The following SBF2 variants were observed in gnomAD, a reference collection of about 807,000 sequenced individuals.
The protein encoded by SBF2 is myotubularin-related protein 13.
SBF2 carries 112 observed loss-of-function variants against 225.2 expected under a neutral mutation model. The observed-to-expected ratio is 0.50, with a 90% CI of 0.43 to 0.58. SBF2 has a LOEUF of 0.58. Among genes scored for constraint, SBF2 ranks in the 20% least tolerant of loss-of-function variants. The pLI is 0.00. For synonymous variants in SBF2, 763 were observed against 773.3 expected, an observed-to-expected ratio of 0.99 and a Z score of 0.22; for missense variants, 1,996 against 2,206.2, an observed-to-expected ratio of 0.90 and a Z score of 1.91.
chr11:9,786,527 C>G (rs948734148), intron 36 of SBF2, among the ~76,000 whole-genome samples: 7 of 152,072 alleles, frequency 4.6e-5, no homozygotes, highest in African/African-American at 1.7e-4. Flanking sequence ...CTTTTTTTAC[C>G]ACAAAGGTTT....
intron 2 of SBF2, among the ~76,000 whole-genome samples, chr11:10,148,004 T>C (rs1311950804): frequency 6.6e-6 from 1 of 152,186 alleles, no homozygotes; most frequent in African/African-American, 2.4e-5. Context: ...GATGACAATG[T>C]GCTAAATGCT....
intron 1 of SBF2, among the ~76,000 whole-genome samples, chr11:10,270,593 T>C (rs1181898108): frequency 2.0e-5 from 3 of 152,220 alleles, no homozygotes; most frequent in Non-Finnish European, 4.4e-5. Context: ...ATCCATGTTG[T>C]TGAAGAGTCA....
chr11:10,179,238 A>G (rs888577566), intron 2 of SBF2, among the ~76,000 whole-genome samples: 2 of 151,810 alleles, frequency 1.3e-5, no homozygotes, highest in Admixed American at 1.3e-4. Context: ...AGATATATCT[A>G]ATGCTAGATG....
chr11:10,291,696 AC>A (rs1964170987), intron 1 of SBF2, among the ~76,000 whole-genome samples: 2 of 145,792 alleles, frequency 1.4e-5, no homozygotes, highest in Admixed American at 6.9e-5. Context: ...ACACACACAC[AC>A]AGACTCCATG....
intron 17 of SBF2, among the ~76,000 whole-genome samples, chr11:9,886,561 T>A (rs552436457): frequency 3.0e-4 from 45 of 152,176 alleles, no homozygotes; most frequent in African/African-American, 1.0e-3. Flanking sequence ...AGTTTTATTA[T>A]TAATAATTAG....
intron 2 of SBF2, among the ~76,000 whole-genome samples, chr11:10,148,439 G>C (rs1357026392): frequency 1.3e-5 from 2 of 151,996 alleles, no homozygotes; most frequent in South Asian, 4.2e-4. Flanking sequence ...TGCCCCAAAA[G>C]AGCAAAGAGA....
At chr11:10,192,090 C>T (rs978647794) in intron 2 of SBF2, among the ~76,000 whole-genome samples, 1 of 152,146 alleles carries the variant, frequency 6.6e-6, no homozygotes, top group South Asian at 2.1e-4. Flanking sequence ...TCCCCTCAAT[C>T]ACACTAAAAG....
chr11:10,091,906 T>G lies in SBF2; in HGVS notation c.142-48925A>C, dbSNP rs369526316. ...TAGGAGTTTTTGAGTTTTGCTTCCC[T>G]GATTTCTCTTACTTGGAAGAGGCCC... On this transcript the variant is annotated intron_variant, in intron 2 of 39. Transcript: ENST00000256190. Among the ~76,000 whole-genome samples, 13 of 152,348 alleles carry G rather than the reference T, an allele frequency of 8.5e-5. No homozygotes were observed. The South Asian group carries it at 2.5e-3, about 29-fold the overall frequency.
chr11:9,857,148 AAACAT>A (rs1857386476), intron 18 of SBF2, among the ~76,000 whole-genome samples: 1 of 152,246 alleles, frequency 6.6e-6, no homozygotes, highest in African/African-American at 2.4e-5. Flanking sequence ...ATGAAAACAT[AAACAT>A]AACATAACAA....
At chr11:10,167,359 T>C (rs1956004705) in intron 2 of SBF2, among the ~76,000 whole-genome samples, 1 of 152,118 alleles carries the variant, frequency 6.6e-6, no homozygotes, top group South Asian at 2.1e-4. Flanking sequence ...ATCCCAGGAA[T>C]TCTAGACCAG....
intron 1 of SBF2, among the ~76,000 whole-genome samples, chr11:10,253,904 T>C (rs1261938148): frequency 1.3e-5 from 2 of 151,988 alleles, no homozygotes; most frequent in African/African-American, 2.4e-5. Context: ...ACATCGATAA[T>C]AGTATGGGAA....
At chr11:10,240,392 A>G (rs1214453932) in intron 1 of SBF2, among the ~76,000 whole-genome samples, 3 of 152,200 alleles carry the variant, frequency 2.0e-5, no homozygotes, top group African/African-American at 2.4e-5. Flanking sequence ...TAAAAGTACC[A>G]TGATATAACA....
At position 10,249,450 on chromosome 11, in the gene SBF2, T is replaced by C. The variant is rs1016440055; in HGVS notation, c.55+44565A>G. Among the ~76,000 whole-genome samples, 4 of 152,186 alleles carry C rather than the reference T, an allele frequency of 2.6e-5. No homozygotes were observed. The East Asian group carries it at 7.7e-4, about 29-fold the overall frequency. The stretch of plus-strand genomic sequence containing the variant: ...AAATGTATTTGCCTTTTAAATACAC[T>C]ATCAAAGAAAAAAAAGAAGGGAAAG... On this transcript the variant is annotated intron_variant, in intron 1 of 39. Coordinates refer to ENST00000256190, the MANE Select transcript of SBF2 (RefSeq NM_030962.4).
At chr11:10,172,411 G>A (rs1956235671) in intron 2 of SBF2, among the ~76,000 whole-genome samples, 1 of 151,774 alleles carries the variant, frequency 6.6e-6, no homozygotes, top group African/African-American at 2.4e-5. Flanking sequence ...GAAGCACAAT[G>A]GCGCATCTCA....
chr11:10,238,993 T>C (rs1457951475), intron 1 of SBF2, among the ~76,000 whole-genome samples: 1 of 150,694 alleles, frequency 6.6e-6, no homozygotes, highest in East Asian at 1.9e-4. Flanking sequence ...TGAGAACATG[T>C]GAACAAACAA....
At chr11:10,270,038 T>C (rs932232252) in intron 1 of SBF2, among the ~76,000 whole-genome samples, 1 of 152,176 alleles carries the variant, frequency 6.6e-6, no homozygotes, top group African/African-American at 2.4e-5. Context: ...CACAGCACTA[T>C]TTATAACAGC....
At chr11:9,999,285 G>A (rs568142985) in intron 8 of SBF2, among the ~76,000 whole-genome samples, 1 of 73,586 alleles carries the variant, frequency 1.4e-5, no homozygotes, top group Non-Finnish European at 3.0e-5. Flanking sequence ...GTGACTGTAT[G>A]TATGTATGTA....
chr11:10,124,002 ATAGT>A (rs997041063), intron 2 of SBF2, among the ~76,000 whole-genome samples: 7 of 152,200 alleles, frequency 4.6e-5, no homozygotes, highest in East Asian at 1.9e-4. Flanking sequence ...CCTAACACTA[ATAGT>A]TAGTTATAGA....
intron 2 of SBF2, among the ~76,000 whole-genome samples, chr11:10,061,310 T>A (rs1047608415): frequency 1.9e-4 from 29 of 152,132 alleles, no homozygotes; most frequent in Admixed American, 3.3e-4. Flanking sequence ...GGATGCCCTC[T>A]CTCACCACTT....
Sources: allele counts gnomAD v4.1 joint callset (sites outside exome capture counted in the v4.1 genomes callset), GRCh38; gene constraint gnomAD v4.1.1; transcripts MANE v1.5; gene names NCBI Gene and HGNC (gene_info 2026-07-23, HGNC 2026-07-21).